Variants in BTRC observed in about 807,000 individuals in gnomAD.
BTRC encodes the protein F-box/WD repeat-containing protein 1A.
Under a neutral mutation model 85.5 loss-of-function variants are expected in BTRC, and 42 were observed. The ratio of observed to expected loss-of-function variants is 0.49; its 90% CI spans 0.38 to 0.64. The LOEUF is 0.64. BTRC is among the 30% of genes least tolerant of loss of function. The probability of loss-of-function intolerance (pLI) is 0.00; values close to 1 mark genes in which losing one functional copy is unlikely to be tolerated. For missense variants in BTRC, 594 were observed against 743.5 expected (o/e 0.80, Z 2.34); for synonymous variants, 255 against 263.3 (o/e 0.97, Z 0.30).
intron 1 of BTRC, among the ~76,000 whole-genome samples, chr10:101,375,028 T>C (rs1037269106): frequency 6.6e-6 from 1 of 152,058 alleles, no homozygotes; most frequent in Non-Finnish European, 1.5e-5. Context: ...AGAAATTGAC[T>C]AGGTGTCTGT....
intron 4 of BTRC, 48 bp from the exon 5 acceptor site, chr10:101,521,591 C>T: frequency 7.5e-7 from 1 of 1,340,608 alleles, no homozygotes; most frequent in South Asian, 1.3e-5. Flanking sequence ...ATATTTCCCT[C>T]ATTTTCAATA....
intron 6 of BTRC, among the ~76,000 whole-genome samples, chr10:101,528,587 T>C (rs1423631768): frequency 6.6e-6 from 1 of 152,190 alleles, no homozygotes; most frequent in Non-Finnish European, 1.5e-5. Context: ...ACCCATGAAA[T>C]TCCAAATACT....
chr10:101,513,160 A>G (rs1306852503), intron 4 of BTRC, among the ~76,000 whole-genome samples: 1 of 152,250 alleles, frequency 6.6e-6, no homozygotes. Flanking sequence ...GTATTGGAGA[A>G]TGGTAGAAGA....
intron 1 of BTRC, among the ~76,000 whole-genome samples, chr10:101,394,197 T>C (rs1943306828): frequency 6.6e-6 from 1 of 152,226 alleles, no homozygotes; most frequent in Non-Finnish European, 1.5e-5. Context: ...GGTAATTAAT[T>C]TTTTATGATA....
intron 1 of BTRC, among the ~76,000 whole-genome samples, chr10:101,375,998 A>G (rs1335843480): frequency 4.6e-5 from 7 of 152,196 alleles, no homozygotes; most frequent in Admixed American, 3.9e-4. Context: ...TACTTGGGAA[A>G]CACAGCAGGA....
chr10:101,536,503 G>C (rs770789945), intron 11 of BTRC, 40 bp from the exon 12 acceptor site: 1 of 1,467,262 alleles, frequency 6.8e-7, no homozygotes, highest in Non-Finnish European at 9.5e-7. Flanking sequence ...GCTTAGAAAA[G>C]AATACGTGAA....
chr10:101,477,363 A>T (rs936285789), intron 3 of BTRC, among the ~76,000 whole-genome samples: 9 of 152,110 alleles, frequency 5.9e-5, no homozygotes, highest in Non-Finnish European at 8.8e-5. Context: ...AGTTTGATAA[A>T]CATAATTTAT....
intron 3 of BTRC, among the ~76,000 whole-genome samples, chr10:101,468,826 A>C (rs1945446746): frequency 6.6e-6 from 1 of 152,222 alleles, no homozygotes; most frequent in Non-Finnish European, 1.5e-5. Flanking sequence ...CAAGTCTGGC[A>C]ATCAATCCCT....
At chr10:101,371,081 T>C (rs1026372882) in intron 1 of BTRC, among the ~76,000 whole-genome samples, 3 of 152,226 alleles carry the variant, frequency 2.0e-5, no homozygotes, top group African/African-American at 7.2e-5. Context: ...TTTAGAACTT[T>C]TTTGTCTTGC....
At chr10:101,366,564 T>C (rs543205052) in intron 1 of BTRC, among the ~76,000 whole-genome samples, 2 of 151,118 alleles carry the variant, frequency 1.3e-5, no homozygotes, top group African/African-American at 4.9e-5. Flanking sequence ...AGTTTTGTAT[T>C]GGACCTTGAA....
At chr10:101,391,894 A>T (rs1490323474) in intron 1 of BTRC, among the ~76,000 whole-genome samples, 1 of 152,206 alleles carries the variant, frequency 6.6e-6, no homozygotes, top group Non-Finnish European at 1.5e-5. Flanking sequence ...TTAGTTCAAT[A>T]TTATTTTTAC....
intron 1 of BTRC, among the ~76,000 whole-genome samples, chr10:101,429,562 T>C (rs1312027060): frequency 1.5e-5 from 2 of 131,862 alleles, no homozygotes; most frequent in East Asian, 5.1e-4. Flanking sequence ...CTTCTTCTTC[T>C]CTCTCTCTCC....
intron 1 of BTRC, among the ~76,000 whole-genome samples, chr10:101,429,026 A>G (rs554889044): frequency 1.0e-3 from 154 of 152,296 alleles, no homozygotes; most frequent in African/African-American, 3.6e-3. Context: ...TTGTTTCCCA[A>G]TATTACTTTC....
chr10:101,371,265 T>C (rs1470023284), intron 1 of BTRC, among the ~76,000 whole-genome samples: 2 of 152,008 alleles, frequency 1.3e-5, no homozygotes, highest in African/African-American at 4.8e-5. Context: ...CTTGGCTCAC[T>C]GCAGACTCCG....
chr10:101,519,715 G>T (rs995187629), intron 4 of BTRC, among the ~76,000 whole-genome samples: 3 of 152,182 alleles, frequency 2.0e-5, no homozygotes, highest in African/African-American at 7.2e-5. Context: ...TTGGGGACCA[G>T]CCAGGTGCAG....
chr10:101,368,982 G>A (rs1489182426), intron 1 of BTRC, among the ~76,000 whole-genome samples: 2 of 152,056 alleles, frequency 1.3e-5, no homozygotes, highest in African/African-American at 4.8e-5. Flanking sequence ...TGGTACTACT[G>A]GACTCCAGCT....
intron 1 of BTRC, among the ~76,000 whole-genome samples, chr10:101,378,468 A>G (rs547035903): frequency 6.6e-6 from 1 of 151,114 alleles, no homozygotes; most frequent in South Asian, 2.1e-4. Context: ...TAGTCATGTC[A>G]GTACTTTATT....
intron 2 of BTRC, among the ~76,000 whole-genome samples, chr10:101,457,320 T>C (rs997029551): frequency 3.3e-5 from 5 of 152,208 alleles, no homozygotes; most frequent in African/African-American, 1.2e-4. Flanking sequence ...TAGGTGATCC[T>C]GGATTATTGA....
chr10:101,395,788 T>C (rs1348460307), intron 1 of BTRC, among the ~76,000 whole-genome samples: 1 of 152,150 alleles, frequency 6.6e-6, no homozygotes, highest in Non-Finnish European at 1.5e-5. Context: ...TGAAAATTAG[T>C]TCTATCCTGT....
Sources: allele counts gnomAD v4.1 joint callset (sites outside exome capture counted in the v4.1 genomes callset), GRCh38; gene constraint gnomAD v4.1.1; transcripts MANE v1.5; gene names NCBI Gene and HGNC (gene_info 2026-07-23, HGNC 2026-07-21).